ZNF423: variants seen among roughly 807,000 people sequenced by gnomAD.
The protein encoded by ZNF423 is Ebf-associated zinc finger protein.
In ZNF423, 12 loss-of-function variants were observed where a neutral mutation model predicts 95.8. The observed-to-expected ratio is 0.13, with a 90% CI of 0.08 to 0.20. ZNF423 has a LOEUF of 0.20. Ranked by LOEUF, ZNF423 falls within the 10% of genes least tolerant of loss-of-function variation. The pLI is 1.00. For missense variants in ZNF423, 1,316 were observed against 1,737.1 expected (o/e 0.76, Z 4.31); for synonymous variants, 749 against 711.9 (o/e 1.05, Z -0.83).
chr16:49,680,067 C>T (rs1283830911), intron 3 of ZNF423, among the ~76,000 whole-genome samples: 1 of 152,214 alleles, frequency 6.6e-6, no homozygotes, highest in Non-Finnish European at 1.5e-5. Flanking sequence ...GTTAGTACAA[C>T]CTGTCTGTGG....
intron 5 of ZNF423, among the ~76,000 whole-genome samples, chr16:49,622,267 T>C (rs1972107073): frequency 6.6e-6 from 1 of 152,110 alleles, no homozygotes; most frequent in Non-Finnish European, 1.5e-5. Context: ...GCCCCCAAAG[T>C]TGGACCCTGG....
At chr16:49,543,805 G>A (rs1457118288) in intron 5 of ZNF423, among the ~76,000 whole-genome samples, 6 of 151,928 alleles carry the variant, frequency 3.9e-5, no homozygotes, top group African/African-American at 7.2e-5. Flanking sequence ...GACGCAAGCC[G>A]GAGTCATATG....
intron 2 of ZNF423, among the ~76,000 whole-genome samples, chr16:49,771,556 G>A (rs780377513): frequency 3.3e-5 from 5 of 152,152 alleles, no homozygotes; most frequent in Non-Finnish European, 5.9e-5. Context: ...GAGGGACCCT[G>A]TTGGAGATAA....
chr16:49,773,253 A>C (rs1311410539), intron 2 of ZNF423, among the ~76,000 whole-genome samples: 2 of 152,194 alleles, frequency 1.3e-5, no homozygotes, highest in Admixed American at 6.5e-5. Flanking sequence ...CAGGAGGCGA[A>C]AATTGCAGTG....
chr16:49,599,710 A>G (rs1343346609), intron 5 of ZNF423, among the ~76,000 whole-genome samples: 1 of 152,234 alleles, frequency 6.6e-6, no homozygotes, highest in Non-Finnish European at 1.5e-5. Flanking sequence ...CACAACACGG[A>G]TGGATCTCAC....
chr16:49,544,298 G>A (rs977415202), intron 5 of ZNF423, among the ~76,000 whole-genome samples: 6 of 152,198 alleles, frequency 3.9e-5, no homozygotes, highest in African/African-American at 1.2e-4. Context: ...TCGACTTCTC[G>A]ATCTGGATGT....
Position 49,494,681 on chromosome 16 carries a change from G to A in ZNF423, c.3850-3377C>T, listed in dbSNP as rs1032870668. Among the ~76,000 whole-genome samples the A allele has an allele frequency of 4.6e-5, 7 of 152,162 alleles. 1 individual carries two copies. Among genetic ancestry groups the A allele is most frequent in the Admixed American group, 3.9e-4 (6 of 15,280 alleles). On this transcript the variant is annotated intron_variant, in intron 7 of 7. Transcript: ENST00000563137. ...GGCATTGGCTCCTCCATAGGCCAAG[G>A]GCAGTATCTCAACAGGCAGAGGAGG...
rs752572316 is a variant in ZNF423, at chr16:49,636,814, C to A, written c.2362G>T (p.Ala788Ser). Residue 788 changes from alanine (A) to serine (S), a missense_variant, in exon 4 of 8, where the codon GCT (alanine) becomes TCT (serine). Physicochemically the swap from Ala to Ser is moderately conservative, Grantham distance 99 (BLOSUM62 1). This residue lies in a region of ZNF423 where 620 missense variants were observed against 775.6 expected (regional missense o/e 0.80). Transcript: ENST00000563137. This position sits in a 1 kb window ranked among gnomAD's most constrained non-coding sequence, Gnocchi z 8.6. ...KHSHLGNPAK[A>S]HKCIFCGETF... is the part of the protein sequence containing the mutation. ...TCCCCACAGAAGATGCACTTGTGAG[C>A]CTTGGCCGGGTTGCCCAGGTGGCTG... is the stretch of plus-strand genomic sequence containing the variant. 1.2e-6 allele frequency: 2 copies of A among 1,614,118 alleles called. No individual in the cohort carries two copies. Among genetic ancestry groups the A allele is most frequent in the East Asian group, 2.2e-5 (1 of 44,866 alleles).
Position 49,637,572 on chromosome 16 carries a change from A to G in ZNF423, c.1604T>C (p.Leu535Pro). The change falls in exon 4 of 8, where the codon CTT becomes CCT. Residue 535 changes from leucine (L) to proline (P), a missense_variant. Physicochemically the swap from Leu to Pro is moderately conservative, Grantham distance 98 (BLOSUM62 -3). Coordinates refer to ENST00000563137, the MANE Select transcript of ZNF423 (RefSeq NM_001379286.1). The surrounding 1 kb of genome is among the most constrained non-coding windows in gnomAD (Gnocchi z 5.6). ...GTGCTCGGTGAGGGAGGACTCAGTA[A>G]GGAAACCCATGGAGCACTGGTTGCA... is the stretch of plus-strand genomic sequence containing the variant. ...FFCNQCSMGF[L>P]TESSLTEHIQ... 6.2e-7 allele frequency: 1 copy of G among 1,614,038 alleles called. No individual in the cohort carries two copies. The highest frequency in any genetic ancestry group is 8.5e-7 in the Non-Finnish European group (1 of 1,180,014).
chr16:49,624,192 G>A (rs62031058), intron 5 of ZNF423, among the ~76,000 whole-genome samples: 12 of 151,642 alleles, frequency 7.9e-5, no homozygotes, highest in Non-Finnish European at 1.2e-4. Flanking sequence ...ATATATAAAC[G>A]CAAAATATAA....
At chr16:49,556,310 G>A (rs1192027833) in intron 5 of ZNF423, among the ~76,000 whole-genome samples, 1 of 152,158 alleles carries the variant, frequency 6.6e-6, no homozygotes, top group Non-Finnish European at 1.5e-5. Context: ...TCAAGTCAGA[G>A]CAGAAGTGCC....
At chr16:49,589,299 A>G (rs1328865082) in intron 5 of ZNF423, among the ~76,000 whole-genome samples, 1 of 152,164 alleles carries the variant, frequency 6.6e-6, no homozygotes, top group Non-Finnish European at 1.5e-5. Flanking sequence ...GGAACTCTTG[A>G]GCCATCCATC....
intron 5 of ZNF423, among the ~76,000 whole-genome samples, chr16:49,544,573 C>T (rs1969374702): frequency 6.6e-6 from 1 of 152,220 alleles, no homozygotes; most frequent in Admixed American, 6.5e-5. Context: ...TAGCACATGT[C>T]TGGTGCATAG....
chr16:49,560,677 G>A (rs532508240), intron 5 of ZNF423, among the ~76,000 whole-genome samples: 4 of 152,280 alleles, frequency 2.6e-5, no homozygotes, highest in Non-Finnish European at 5.9e-5. Flanking sequence ...AAAGTGGAAC[G>A]GAACTCTTTT....
intron 3 of ZNF423, among the ~76,000 whole-genome samples, chr16:49,703,950 GTGA>G (rs1372090084): frequency 1.3e-5 from 2 of 152,236 alleles, no homozygotes; most frequent in Non-Finnish European, 1.5e-5. Context: ...CAACTGATGA[GTGA>G]TGCGCCCAGG....
chr16:49,545,717 G>A (rs1418330185), intron 5 of ZNF423, among the ~76,000 whole-genome samples: 5 of 152,176 alleles, frequency 3.3e-5, no homozygotes, highest in African/African-American at 1.2e-4. Flanking sequence ...CCACAGTTCT[G>A]TCTCCCAAGC....
intron 5 of ZNF423, among the ~76,000 whole-genome samples, chr16:49,557,768 C>T (rs1160256890): frequency 2.0e-5 from 3 of 152,170 alleles, no homozygotes; most frequent in African/African-American, 7.2e-5. Flanking sequence ...TCCTCCCACC[C>T]ACAGGATGAG....
intron 3 of ZNF423, among the ~76,000 whole-genome samples, chr16:49,693,552 T>C (rs1357556436): frequency 6.6e-6 from 1 of 152,096 alleles, no homozygotes; most frequent in East Asian, 1.9e-4. Context: ...GAGCAAACAC[T>C]CCCTACCCGC....
intron 3 of ZNF423, among the ~76,000 whole-genome samples, chr16:49,653,311 C>CAAAAA (rs5816652): frequency 1.7e-4 from 17 of 99,154 alleles, no homozygotes; most frequent in Admixed American, 2.4e-4. Flanking sequence ...CAAGAACCAC[C>CAAAAA]AAAAAAAAAA....
Sources: allele counts gnomAD v4.1 joint callset (sites outside exome capture counted in the v4.1 genomes callset), GRCh38; gene constraint gnomAD v4.1.1; regional missense constraint gnomAD v4.1.1; non-coding constraint Gnocchi (gnomAD v3.1); transcripts MANE v1.5; gene names NCBI Gene and HGNC (gene_info 2026-07-23, HGNC 2026-07-21).